Variants in TRIP12 observed in about 807,000 individuals in gnomAD.
TRIP12 encodes the protein thyroid hormone receptor interactor 12.
TRIP12 carries 25 observed loss-of-function variants against 244.2 expected under a neutral mutation model. That is an observed-to-expected ratio of 0.10 (90% CI 0.07 to 0.14). The LOEUF is 0.14. Among genes scored for constraint, TRIP12 ranks in the 10% least tolerant of loss-of-function variants. TRIP12 has a pLI of 1.00. For synonymous variants in TRIP12, 905 were observed against 873.1 expected, an observed-to-expected ratio of 1.04 and a Z score of -0.64; for missense variants, 1,677 against 2,486.4, an observed-to-expected ratio of 0.67 and a Z score of 6.92.
chr2:229,794,556 A>G (rs1398578711), intron 26 of TRIP12, among the ~76,000 whole-genome samples: 4 of 147,566 alleles, frequency 2.7e-5, no homozygotes, highest in Middle Eastern at 3.4e-3. Context: ...ACAAAGTAAG[A>G]CTCTGTCCCA....
chr2:229,885,104 T>C (rs902975302), intron 1 of TRIP12, among the ~76,000 whole-genome samples: 1 of 152,230 alleles, frequency 6.6e-6, no homozygotes, highest in Non-Finnish European at 1.5e-5. Flanking sequence ...TATGTTTGGA[T>C]ATTTTTAGAC....
At chr2:229,865,934 G>A (rs2061443226) in intron 2 of TRIP12, among the ~76,000 whole-genome samples, 1 of 152,106 alleles carries the variant, frequency 6.6e-6, no homozygotes, top group Non-Finnish European at 1.5e-5. Context: ...ATAATTTAAA[G>A]TAAAGCAGTA....
At chr2:229,874,194 A>G (rs2063192518) in intron 2 of TRIP12, among the ~76,000 whole-genome samples, 1 of 152,172 alleles carries the variant, frequency 6.6e-6, no homozygotes, top group Non-Finnish European at 1.5e-5. Context: ...TGGCCCACGG[A>G]GCAAATTTTT....
chr2:229,807,072 A>G (rs761368626), intron 17 of TRIP12, among the ~76,000 whole-genome samples: 8 of 152,234 alleles, frequency 5.3e-5, no homozygotes, highest in Non-Finnish European at 1.2e-4. Flanking sequence ...AAAATCACAT[A>G]AAACTGTCAC....
chr2:229,789,024 CCATG>C, intron 31 of TRIP12, 84 bp from the exon 32 acceptor site: 9 of 1,277,408 alleles, frequency 7.0e-6, no homozygotes, highest in Non-Finnish European at 9.7e-6. Context: ...ATCCCCAAGT[CCATG>C]CAAAGTACCC....
Position 229,796,723 on chromosome 2 carries a change from A to G in TRIP12, c.3684T>C (p.Val1228=). The change falls in exon 25 of 42, where the codon GTT becomes GTC. Residue 1228 remains valine (V), a synonymous_variant. Coordinates refer to ENST00000675903, the MANE Select transcript of TRIP12 (RefSeq NM_001348323.3). ...CACTATGTTGGATTTCAAATGATGA[A>G]ACATCTGACTCTGAGACTATGCTAC... The part of the protein sequence containing the change: ...EIRSIVSESD[V]SSFEIQHSGF... The G allele has an allele frequency of 1.2e-6, 2 of 1,610,704 alleles. No homozygotes were observed. Among genetic ancestry groups the G allele is most frequent in the Non-Finnish European group, 1.7e-6 (2 of 1,179,190 alleles).
At chr2:229,920,933 A>G (rs968037652) in intron 1 of TRIP12, among the ~76,000 whole-genome samples, 17 of 152,156 alleles carry the variant, frequency 1.1e-4, no homozygotes, top group Admixed American at 1.1e-3. Context: ...AACGTTGTAA[A>G]TAATAGGTTT....
intron 4 of TRIP12, among the ~76,000 whole-genome samples, chr2:229,846,499 T>C (rs939024957): frequency 6.6e-6 from 1 of 152,202 alleles, no homozygotes; most frequent in Non-Finnish European, 1.5e-5. Flanking sequence ...GCATGCTTAC[T>C]AGATTACAGT....
intron 34 of TRIP12, among the ~76,000 whole-genome samples, chr2:229,782,392 C>T (rs572480564): frequency 1.1e-4 from 16 of 152,226 alleles, no homozygotes; most frequent in Admixed American, 5.2e-4. Flanking sequence ...GAAAATGGTT[C>T]CTCAATCTTC....
At chr2:229,769,837 T>C (rs1045822801) in intron 39 of TRIP12, among the ~76,000 whole-genome samples, 1 of 152,174 alleles carries the variant, frequency 6.6e-6, no homozygotes, top group Non-Finnish European at 1.5e-5. Context: ...CGCTACATGG[T>C]TGGTTGTATG....
chr2:229,860,782 G>A (rs2060350949), intron 2 of TRIP12, among the ~76,000 whole-genome samples: 1 of 151,836 alleles, frequency 6.6e-6, no homozygotes, highest in African/African-American at 2.4e-5. Flanking sequence ...TAATTGCACA[G>A]CGTTGTTAAG....
In TRIP12 at chr2:229,768,635, G is replaced by C; in HGVS notation, c.5988C>G (p.Ser1996Arg). ...ACCCACCTCCAACAGGCAATCTTGG[G>C]CTACCAGTCACAAACTGGAGAAATA... is the stretch of plus-strand genomic sequence containing the variant. ...QRLFLQFVTGSPRLPVGGFRS... is the reference protein window; with the variant it reads ...QRLFLQFVTGRPRLPVGGFRS... Residue 1996 changes from serine (S) to arginine (R), a missense_variant, in exon 41 of 42, where the codon AGC (serine) becomes AGG (arginine). Ser to Arg is a moderately radical substitution (Grantham distance 110, BLOSUM62 -1). This residue lies in a region of TRIP12 where 171 missense variants were observed against 388.4 expected (regional missense o/e 0.44). Transcript: ENST00000675903. 1 of 1,612,350 alleles carries C rather than the reference G, an allele frequency of 6.2e-7. No homozygotes were observed. Among genetic ancestry groups the C allele is most frequent in the South Asian group, 1.1e-5 (1 of 90,726 alleles).
intron 21 of TRIP12, among the ~76,000 whole-genome samples, chr2:229,799,945 C>G (rs1401102348): frequency 6.6e-6 from 1 of 152,122 alleles, no homozygotes; most frequent in South Asian, 2.1e-4. Context: ...GATAAGATGA[C>G]TGATCAATTT....
At chr2:229,774,022 C>T in intron 38 of TRIP12, 75 bp downstream of exon 38, 1 of 1,510,962 alleles carries the variant, frequency 6.6e-7, no homozygotes, top group Admixed American at 1.9e-5. Context: ...GCGTGTGCAG[C>T]CAGAAGCAAG....
intron 40 of TRIP12, 42 bp from the exon 41 acceptor site, chr2:229,768,761 A>T: frequency 6.4e-7 from 1 of 1,555,538 alleles, no homozygotes; most frequent in South Asian, 1.2e-5. Flanking sequence ...TCATCAGGTT[A>T]AAATAGAGTT....
At chr2:229,911,271 A>G (rs1045287310) in intron 1 of TRIP12, among the ~76,000 whole-genome samples, 3 of 152,232 alleles carry the variant, frequency 2.0e-5, no homozygotes, top group Admixed American at 2.0e-4. Context: ...TCTGCTTTCT[A>G]CATAAGAATC....
intron 2 of TRIP12, among the ~76,000 whole-genome samples, chr2:229,869,090 A>T (rs982533982): frequency 6.6e-6 from 1 of 152,240 alleles, no homozygotes; most frequent in Admixed American, 6.5e-5. Context: ...CTTACCACTG[A>T]CCTGGACAGA....
At chr2:229,863,507 TATACTTCAATCAAAATTTTA>T (rs1306671322) in intron 2 of TRIP12, among the ~76,000 whole-genome samples, 4 of 152,122 alleles carry the variant, frequency 2.6e-5, no homozygotes, top group Non-Finnish European at 4.4e-5. Flanking sequence ...GCATGGTGGC[TATACTTCAATCAAAATTTTA>T]TTTACAAAAA....
chr2:229,848,687 C>T (rs1016125380), intron 4 of TRIP12, among the ~76,000 whole-genome samples: 3 of 152,144 alleles, frequency 2.0e-5, no homozygotes, highest in African/African-American at 7.2e-5. Flanking sequence ...GGTTTTAGAG[C>T]TGTAAGTCCT....
Sources: allele counts gnomAD v4.1 joint callset (sites outside exome capture counted in the v4.1 genomes callset), GRCh38; gene constraint gnomAD v4.1.1; regional missense constraint gnomAD v4.1.1; transcripts MANE v1.5; gene names NCBI Gene and HGNC (gene_info 2026-07-23, HGNC 2026-07-21).